Variants in MFN2 observed in about 807,000 individuals in gnomAD.
The protein encoded by MFN2 is mitofusin 2.
MFN2 carries 43 observed loss-of-function variants against 87.5 expected under a neutral mutation model. That is an observed-to-expected ratio of 0.49 (90% CI 0.38 to 0.63). MFN2 has a LOEUF of 0.63. Among genes scored for constraint, MFN2 ranks in the 30% least tolerant of loss-of-function variants. MFN2 has a pLI of 0.00. For synonymous variants in MFN2, 337 were observed against 359.9 expected (o/e 0.94, Z 0.72); for missense variants, 743 against 972.8 (o/e 0.76, Z 3.14).
chr1:11,982,859 T>G (rs893472142), intron 2 of MFN2, among the ~76,000 whole-genome samples: 2 of 152,154 alleles, frequency 1.3e-5, no homozygotes, highest in Non-Finnish European at 2.9e-5. Context: ...AGAGTGGGCT[T>G]TTCCCTAAAG....
At chr1:11,988,112 T>TAC (rs1638506248) in intron 2 of MFN2, among the ~76,000 whole-genome samples, 8 of 92,268 alleles carry the variant, frequency 8.7e-5, no homozygotes, top group Non-Finnish European at 1.1e-4. Context: ...GTGTGTGTTT[T>TAC]TCTTTGTTGA....
intron 1 of MFN2, among the ~76,000 whole-genome samples, 173 bp downstream of exon 1, chr1:11,980,657 G>C (rs548374236): frequency 6.5e-4 from 99 of 152,328 alleles, no homozygotes; most frequent in African/African-American, 2.2e-3. Context: ...CCTGAGAGGA[G>C]GGGGCGGGCC....
intron 10 of MFN2, 66 bp downstream of exon 10, chr1:12,001,902 G>C: frequency 1.2e-6 from 2 of 1,614,020 alleles, no homozygotes; most frequent in African/African-American, 1.3e-5. Context: ...CTGTGTCCCT[G>C]GCAGTGAAAA....
chr1:11,991,923 CAAAAAAAAAAAAA>C (rs35314016), intron 3 of MFN2, among the ~76,000 whole-genome samples: 44 of 16,734 alleles, frequency 2.6e-3, no homozygotes, highest in Admixed American at 9.4e-3. Context: ...GACTCCGTCT[CAAAAAAAAAAAAA>C]AAAAAAAAAA....
At chr1:11,992,479 G>A (rs543368654) in intron 3 of MFN2, 76 bp from the exon 4 acceptor site, 44 of 1,591,024 alleles carry the variant, frequency 2.8e-5, no homozygotes, top group East Asian at 1.1e-4. Context: ...CAGGGCCGGC[G>A]CTCTGGCCCT....
In MFN2 at chr1:12,007,089, T is replaced by G; in HGVS notation, c.1909T>G (p.Ser637Ala). ...AGTGGGCTGGCGGCTCATTGCCCTC[T>G]CCTTTGGGCTCTATGGCCTCCTCTA... ...KAVGWRLIAL[S>A]FGLYGLLYVY... is the part of the protein sequence containing the mutation. Residue 637 changes from serine to alanine, a missense_variant, in exon 17 of 19, where the codon TCC (serine) becomes GCC (alanine). Transcript: ENST00000235329. 4 of 1,614,140 alleles carry G rather than the reference T, an allele frequency of 2.5e-6. No individual in the cohort carries two copies. The highest frequency in any genetic ancestry group is 1.1e-5 in the South Asian group (1 of 91,082).
rs1219161916 is a variant in MFN2 at position 11,992,507 on chromosome 1, G to A, written c.176-48G>A. The A allele has an allele frequency of 2.5e-6, 4 of 1,613,506 alleles. No homozygotes were observed. In the East Asian group the frequency reaches 8.9e-5, roughly 36 times the overall value. ...CTGGCCCTTCCAGACTTGGGACTGT[G>A]GAACTCCTCTGACCACGTGGTGACC... On this transcript the variant is annotated intron_variant, in intron 3 of 18. Transcript: ENST00000235329.
intron 16 of MFN2, 31 bp from the exon 17 acceptor site, chr1:12,007,022 C>G: frequency 6.2e-7 from 1 of 1,612,124 alleles, no homozygotes; most frequent in Non-Finnish European, 8.5e-7. Flanking sequence ...CACAGAGAGG[C>G]TGCACTCCAG....
intron 17 of MFN2, among the ~76,000 whole-genome samples, chr1:12,008,212 A>G (rs2100861858): frequency 6.6e-6 from 1 of 152,304 alleles, no homozygotes; most frequent in East Asian, 1.9e-4. Flanking sequence ...CCCCTTTTCT[A>G]TTCGACAAAA....
Position 12,004,074 on chromosome 1 carries a change from T to C in MFN2, c.1243T>C (p.Tyr415His), listed in dbSNP as rs1163530430. ...ACAGCTGGAGCTCTTGGCTCAAGAC[T>C]ATAAGCTGCGAATTAAGCAGATTAC... ...DKQLELLAQD[Y>H]KLRIKQITEE... The change falls in exon 12 of 19, where the codon TAT (tyrosine) becomes CAT (histidine). Residue 415 changes from tyrosine (Y) to histidine (H), a missense_variant. This residue lies in a region of MFN2 where 571 missense variants were observed against 670.7 expected (regional missense o/e 0.85). Transcript: ENST00000235329. The surrounding 1 kb of genome is among the most constrained non-coding windows in gnomAD (Gnocchi z 4.2). 7 of 1,614,058 alleles carry C rather than the reference T, an allele frequency of 4.3e-6. No individual in the cohort carries two copies. Among genetic ancestry groups the C allele is most frequent in the African/African-American group, 1.3e-5 (1 of 74,914 alleles).
intron 6 of MFN2, 116 bp downstream of exon 6, chr1:11,997,537 C>T (rs1229346398): frequency 7.1e-7 from 1 of 1,414,214 alleles, no homozygotes. Flanking sequence ...AGTATTACTA[C>T]CTTTCAGATG....
chr1:12,011,572 C>T lies in MFN2; in HGVS notation c.*7C>T, dbSNP rs772177020. On this transcript the variant is annotated 3_prime_UTR_variant, in exon 19 of 19. Coordinates refer to ENST00000235329, the MANE Select transcript of MFN2 (RefSeq NM_014874.4). ...CCTGCAGCCCAGCAGATAGTGGGCA[C>T]CTGAGGCGGAGTCTGCGTGGAGAGG... 1.2e-6 allele frequency: 2 copies of T among 1,613,688 alleles called. No individual in the cohort carries two copies. Among genetic ancestry groups the T allele is most frequent in the Non-Finnish European group, 1.7e-6 (2 of 1,179,976 alleles).
At chr1:11,997,879 CTTTT>C (rs768355266) in intron 6 of MFN2, among the ~76,000 whole-genome samples, 3 of 95,836 alleles carry the variant, frequency 3.1e-5, no homozygotes, top group African/African-American at 4.2e-5. Flanking sequence ...TGTATATCAT[CTTTT>C]TTTTTTTTTT....
Position 12,005,741 on chromosome 1 carries a change from T to C in MFN2, c.1526T>C (p.Val509Ala). ...DGLKPLLPVS[V>A]RSQIDMLVPR... ...TTGAAACCCCTCCTTCCTGTGTCTGTGCGGAGTCAGATAGACATGCTGGTC... is the reference window on the plus strand; with the variant it reads ...TTGAAACCCCTCCTTCCTGTGTCTGCGCGGAGTCAGATAGACATGCTGGTC... The change falls in exon 15 of 19, where the codon GTG (valine) becomes GCG (alanine). Residue 509 changes from valine to alanine, a missense_variant. Coordinates refer to ENST00000235329, the MANE Select transcript of MFN2 (RefSeq NM_014874.4). 6.2e-7 allele frequency: 1 copy of C among 1,614,258 alleles called. No homozygotes were observed. The highest frequency in any genetic ancestry group is 8.5e-7 in the Non-Finnish European group (1 of 1,180,052).
At chr1:12,007,339 G>A (rs1639470708) in intron 17 of MFN2, 90 bp downstream of exon 17, 4 of 1,476,908 alleles carry the variant, frequency 2.7e-6, no homozygotes, top group South Asian at 1.2e-5. Context: ...CACGTGGCCT[G>A]GAAGCCACTG....
intron 1 of MFN2, among the ~76,000 whole-genome samples, chr1:11,981,385 C>T (rs911570809): frequency 8.5e-5 from 13 of 152,178 alleles, no homozygotes; most frequent in Admixed American, 2.0e-4. Context: ...CGCCTGTAAT[C>T]CCATCTACTC....
chr1:11,982,732 C>T (rs1266274650), intron 2 of MFN2: 1 of 152,170 alleles, frequency 6.6e-6, no homozygotes, highest in Non-Finnish European at 1.5e-5. Flanking sequence ...TGTTGACCAC[C>T]TTGGAGGGCT....
rs142042485 is a variant in MFN2 at position 12,002,061 on chromosome 1, G to A, written c.1118G>A (p.Arg373Gln). The A allele has an allele frequency of 2.2e-5, 35 of 1,614,082 alleles. No homozygotes were observed. The highest frequency in any genetic ancestry group is 2.7e-5 in the Non-Finnish European group (32 of 1,180,050). The change falls in exon 11 of 19, where the codon CGA (arginine) becomes CAA (glutamine). Residue 373 changes from arginine (R) to glutamine (Q), a missense_variant. Physicochemically the swap from Arg to Gln is conservative, Grantham distance 43. This residue lies in a region of MFN2 where 571 missense variants were observed against 670.7 expected (regional missense o/e 0.85). Transcript: ENST00000235329. ...GCCAAGCAGATTGCAGAGGCGGTTC[G>A]ACTCATCATGGACTCCCTGCACATG... is the stretch of plus-strand genomic sequence containing the variant. ...VRAKQIAEAV[R>Q]LIMDSLHMAA...
intron 11 of MFN2, 39 bp downstream of exon 11, chr1:12,002,142 CGA>C (rs1639207025): frequency 6.2e-7 from 1 of 1,612,940 alleles, no homozygotes; most frequent in East Asian, 2.2e-5. Context: ...AGAGAGCTGC[CGA>C]GACAAGGGTG....
Sources: allele counts gnomAD v4.1 joint callset (sites outside exome capture counted in the v4.1 genomes callset), GRCh38; gene constraint gnomAD v4.1.1; regional missense constraint gnomAD v4.1.1; non-coding constraint Gnocchi (gnomAD v3.1); transcripts MANE v1.5; gene names NCBI Gene and HGNC (gene_info 2026-07-23, HGNC 2026-07-21).